USH2A: variants seen among roughly 807,000 people sequenced by gnomAD.
The protein encoded by USH2A is usherin, also known as Usher syndrome 2A (autosomal recessive, mild).
USH2A carries 443 observed loss-of-function variants against 538.9 expected under a neutral mutation model. The ratio of observed to expected loss-of-function variants is 0.82; its 90% CI spans 0.76 to 0.89. USH2A has a LOEUF of 0.89. Among genes scored for constraint, USH2A ranks in the 40% least tolerant of loss-of-function variants. The pLI, the probability that USH2A is intolerant of heterozygous loss-of-function variation, is 0.00. For synonymous variants in USH2A, 2,413 were observed against 2,273.5 expected, an observed-to-expected ratio of 1.06 and a Z score of -1.75; for missense variants, 6,633 against 6,324.8, an observed-to-expected ratio of 1.05 and a Z score of -1.65.
At position 216,217,548 on chromosome 1, in the gene USH2A, C is replaced by A. The variant is rs2102496508; in HGVS notation, c.2996G>T (p.Cys999Phe). Residue 999 changes from cysteine (C) to phenylalanine (F), a missense_variant and splice_region_variant, in exon 15 of 72, where the codon TGT becomes TTT. Transcript: ENST00000307340. Reference protein sequence around the residue: ...YFGFDPQTGRCQPCNCHLSGA... With the variant: ...YFGFDPQTGRFQPCNCHLSGA... Reference sequence around the variant, plus strand: ...TGAGAGATGACAATTACAAGGCTGACATCTGAAAACAAGGCAAATAAACCA... The same window carrying A: ...TGAGAGATGACAATTACAAGGCTGAAATCTGAAAACAAGGCAAATAAACCA... 6.2e-7 allele frequency: 1 copy of A among 1,612,808 alleles called. No homozygotes were observed. The highest frequency in any genetic ancestry group is 8.5e-7 in the Non-Finnish European group (1 of 1,179,170).
At position 215,628,953 on chromosome 1, in the gene USH2A, G is replaced by T. The variant is rs201513512; in HGVS notation, c.15380C>A (p.Pro5127Gln). The change falls in exon 71 of 72, where the codon CCG (proline) becomes CAG (glutamine). Residue 5127 changes from proline to glutamine, a missense_variant. Coordinates refer to ENST00000307340, the MANE Select transcript of USH2A (RefSeq NM_206933.4). ...GGTTAGGCTGGTTTGGTTTTGACTC[G>T]GGATGCGCAGGACACATGCACTCCG... ...SNRSACVLRI[P>Q]SQNQTSLTYS... is the part of the protein sequence containing the mutation. 1 of 1,614,078 alleles carries T rather than the reference G, an allele frequency of 6.2e-7. No homozygotes were observed.
intron 58 of USH2A, among the ~76,000 whole-genome samples, chr1:215,753,474 T>C (rs999644460): frequency 3.9e-5 from 6 of 152,160 alleles, no homozygotes; most frequent in Admixed American, 1.3e-4. Flanking sequence ...TGGAATACTA[T>C]GCAGCCATAA....
chr1:216,048,797 T>A, intron 30 of USH2A, 150 bp from the exon 31 acceptor site: 1 of 765,964 alleles, frequency 1.3e-6, no homozygotes, highest in Non-Finnish European at 2.3e-6. Flanking sequence ...CCTCTTTCAG[T>A]CATTTTCCTC....
intron 64 of USH2A, among the ~76,000 whole-genome samples, chr1:215,664,026 C>T (rs971750430): frequency 2.0e-5 from 3 of 152,148 alleles, no homozygotes; most frequent in Admixed American, 6.5e-5. Flanking sequence ...CCGAGTCCTG[C>T]ATCCCAGGTT....
intron 34 of USH2A, among the ~76,000 whole-genome samples, chr1:215,997,312 A>G (rs1668163716): frequency 6.6e-6 from 1 of 152,154 alleles, no homozygotes; most frequent in Non-Finnish European, 1.5e-5. Flanking sequence ...ATCTTGCATC[A>G]ACACTATTCA....
chr1:215,628,250 C>T (rs527761531), intron 71 of USH2A, among the ~76,000 whole-genome samples: 4 of 152,230 alleles, frequency 2.6e-5, no homozygotes, highest in East Asian at 1.9e-4. Context: ...TTCCTGTCAT[C>T]TGCTCCAAGT....
At chr1:215,716,796 A>G (rs1659501006) in intron 61 of USH2A, among the ~76,000 whole-genome samples, 1 of 152,196 alleles carries the variant, frequency 6.6e-6, no homozygotes, top group Non-Finnish European at 1.5e-5. Flanking sequence ...GGGGTCCTTA[A>G]TACAATCTTT....
chr1:215,935,031 A>C (rs979218503), intron 37 of USH2A, among the ~76,000 whole-genome samples: 1 of 152,012 alleles, frequency 6.6e-6, no homozygotes, highest in Non-Finnish European at 1.5e-5. Context: ...CAATCGAAAT[A>C]ATTTGATGAA....
intron 64 of USH2A, among the ~76,000 whole-genome samples, chr1:215,652,897 A>G (rs1396376017): frequency 1.3e-5 from 2 of 152,206 alleles, no homozygotes; most frequent in African/African-American, 4.8e-5. Context: ...ATGGATGGGG[A>G]GGAAAATGAG....
intron 11 of USH2A, among the ~76,000 whole-genome samples, chr1:216,256,500 C>T (rs953475578): frequency 3.9e-5 from 6 of 152,066 alleles, no homozygotes; most frequent in Non-Finnish European, 8.8e-5. Flanking sequence ...AAGGATCTTA[C>T]AACGGTATAC....
intron 6 of USH2A, 152 bp from the exon 7 acceptor site, chr1:216,324,504 C>T (rs1374180388): frequency 4.1e-6 from 3 of 736,044 alleles, no homozygotes; most frequent in Non-Finnish European, 6.5e-6. Flanking sequence ...AACTTCATAG[C>T]CCTGTGGTAA....
intron 32 of USH2A, among the ~76,000 whole-genome samples, chr1:216,042,297 A>T (rs2030312580): frequency 6.6e-6 from 1 of 152,050 alleles, no homozygotes; most frequent in African/African-American, 2.4e-5. Flanking sequence ...CAGGATTCTC[A>T]GGTATTACTT....
intron 34 of USH2A, among the ~76,000 whole-genome samples, chr1:215,994,613 G>T (rs747089384): frequency 1.6e-4 from 25 of 152,020 alleles, no homozygotes; most frequent in Non-Finnish European, 3.5e-4. Context: ...CATGAAAATT[G>T]CATTAAGATT....
chr1:215,769,714 T>C (rs1335120808), intron 55 of USH2A, among the ~76,000 whole-genome samples: 1 of 152,088 alleles, frequency 6.6e-6, no homozygotes, highest in Non-Finnish European at 1.5e-5. Context: ...ACTGGGGTAC[T>C]AGAATCAAGG....
chr1:215,730,368 T>C (rs956441626), intron 60 of USH2A, among the ~76,000 whole-genome samples: 10 of 152,190 alleles, frequency 6.6e-5, no homozygotes, highest in African/African-American at 2.2e-4. Context: ...TCCCTGCATC[T>C]TTGCCTCTTC....
chr1:215,920,878 G>A (rs541973969), intron 38 of USH2A, among the ~76,000 whole-genome samples: 7 of 152,070 alleles, frequency 4.6e-5, no homozygotes, highest in East Asian at 1.9e-4. Flanking sequence ...CAGAGGTCAC[G>A]CATGGTCATT....
At chr1:216,386,338 A>G (rs1265228447) in intron 3 of USH2A, among the ~76,000 whole-genome samples, 4 of 151,164 alleles carry the variant, frequency 2.6e-5, no homozygotes, top group African/African-American at 9.7e-5. Flanking sequence ...TCTACTAAAA[A>G]TACAAAAAAT....
intron 61 of USH2A, among the ~76,000 whole-genome samples, chr1:215,723,414 G>A (rs959464629): frequency 2.0e-5 from 3 of 152,148 alleles, no homozygotes; most frequent in Non-Finnish European, 2.9e-5. Context: ...CATTGCACCT[G>A]TTTTATGTGG....
intron 49 of USH2A, among the ~76,000 whole-genome samples, chr1:215,801,850 C>T (rs1431585791): frequency 6.6e-6 from 1 of 151,904 alleles, no homozygotes; most frequent in East Asian, 1.9e-4. Context: ...TGGAGATCTC[C>T]CACTTTCTGA....
Sources: allele counts gnomAD v4.1 joint callset (sites outside exome capture counted in the v4.1 genomes callset), GRCh38; gene constraint gnomAD v4.1.1; transcripts MANE v1.5; gene names NCBI Gene and HGNC (gene_info 2026-07-23, HGNC 2026-07-21).